The following SERPINA12 variants were observed in gnomAD, a reference collection of about 807,000 sequenced individuals.
The protein encoded by SERPINA12 is serpin family A member 12, also known as serpin A12.
In SERPINA12, 21 loss-of-function variants were observed where a neutral mutation model predicts 25.9. The ratio of observed to expected loss-of-function variants is 0.81; its 90% CI spans 0.58 to 1.17. The LOEUF is 1.17. SERPINA12 is among the 50% of genes most tolerant of loss of function. The pLI is 0.00. For missense variants in SERPINA12, 562 were observed against 508.3 expected (o/e 1.11, Z -1.02); for synonymous variants, 220 against 196.0 (o/e 1.12, Z -1.02).
chr14:94,489,912 C>A, intron 3 of SERPINA12, 145 bp from the exon 4 acceptor site: 1 of 797,490 alleles, frequency 1.3e-6, no homozygotes, highest in Non-Finnish European at 2.0e-6. Context: ...GGAGGGGCTC[C>A]TTAACCCTGG....
chr14:94,490,998 A>G (rs548453163), intron 3 of SERPINA12, among the ~76,000 whole-genome samples: 1 of 152,194 alleles, frequency 6.6e-6, no homozygotes, highest in East Asian at 1.9e-4. Flanking sequence ...CCATCCCCAT[A>G]CATGTCATTC....
At position 94,509,358 on chromosome 14, in the gene SERPINA12, C is replaced by G. The variant is rs1399715176; in HGVS notation, c.-50G>C. 2.0e-5 allele frequency among the ~76,000 whole-genome samples: 3 copies of G among 151,642 alleles called. No individual in the cohort carries two copies. The highest frequency in any genetic ancestry group is 3.9e-4 in the East Asian group (2 of 5,166). On this transcript the variant is annotated 5_prime_UTR_variant, in exon 1 of 5. Coordinates refer to ENST00000677451, the MANE Select transcript of SERPINA12 (RefSeq NM_001382267.1). ...TGGACTAACCTCACCTCCCCAGTTT[C>G]TCCTTTCCCCTCAGGTCAGTCTTCC...
At chr14:94,511,299 G>A, upstream of SERPINA12, 2 of 515,240 alleles carry the variant, frequency 3.9e-6, no homozygotes, top group Non-Finnish European at 5.0e-6. Flanking sequence ...AGTCTGTGAG[G>A]GACCATTGTC....
At chr14:94,506,184 G>T (rs373588139) in intron 1 of SERPINA12, among the ~76,000 whole-genome samples, 1 of 152,160 alleles carries the variant, frequency 6.6e-6, no homozygotes, top group African/African-American at 2.4e-5. Flanking sequence ...GGCACTGGTC[G>T]GAGGCTGAGG....
At chr14:94,497,095 T>C (rs993505494) in intron 2 of SERPINA12, among the ~76,000 whole-genome samples, 1 of 152,232 alleles carries the variant, frequency 6.6e-6, no homozygotes, top group Non-Finnish European at 1.5e-5. Flanking sequence ...TCTGGACTGA[T>C]GGGTGTTGGC....
chr14:94,509,279 AACACACAC>A (rs3065835), intron 1 of SERPINA12, among the ~76,000 whole-genome samples, 55 bp downstream of exon 1: 150 of 134,712 alleles, frequency 1.1e-3, no homozygotes, highest in African/African-American at 2.5e-3. Context: ...AGAAACAGAC[AACACACAC>A]ACACACACAC....
intron 3 of SERPINA12, among the ~76,000 whole-genome samples, chr14:94,495,045 G>A (rs776411527): frequency 4.0e-5 from 6 of 150,988 alleles, no homozygotes; most frequent in African/African-American, 1.2e-4. Context: ...GGAAGCATTC[G>A]GAATCAGAAT....
Position 94,496,586 on chromosome 14 carries a change from T to C in SERPINA12, c.692A>G (p.Glu231Gly), listed in dbSNP as rs1439374771. The C allele has an allele frequency of 6.2e-7, 1 of 1,613,998 alleles. No individual in the cohort carries two copies. Among genetic ancestry groups the C allele is most frequent in the Non-Finnish European group, 8.5e-7 (1 of 1,179,916 alleles). Residue 231 changes from glutamate (E) to glycine (G), a missense_variant, in exon 3 of 5, where the codon GAG becomes GGG. Transcript: ENST00000677451. ...NVTKEEDFFL[E>G]KNSSVKVPMM... The stretch of plus-strand genomic sequence containing the variant: ...GGGCACCTTGACTGAACTGTTTTTC[T>C]CCAGAAAGAAATCTTCCTCTTTAGT...
At chr14:94,511,111 G>A (rs1184987878), upstream of SERPINA12, among the ~76,000 whole-genome samples, 1 of 152,000 alleles carries the variant, frequency 6.6e-6, no homozygotes, top group African/African-American at 2.4e-5. Flanking sequence ...GAGCATTTCA[G>A]AAAAATATTT....
intron 3 of SERPINA12, among the ~76,000 whole-genome samples, chr14:94,494,326 A>G (rs1410242307): frequency 6.6e-6 from 1 of 152,214 alleles, no homozygotes; most frequent in African/African-American, 2.4e-5. Context: ...TTGAGACAAC[A>G]TGGGGGAACC....
upstream of SERPINA12, chr14:94,510,063 G>T (rs1286952474): frequency 5.1e-6 from 5 of 985,296 alleles, no homozygotes; most frequent in Non-Finnish European, 6.0e-6. Flanking sequence ...ACGTCTCAGG[G>T]CCTGGGCCTG....
chr14:94,509,903 C>T (rs2139865134), upstream of SERPINA12: 1 of 852,884 alleles, frequency 1.2e-6, no homozygotes, highest in East Asian at 1.2e-4. Context: ...TTCCCTGGGA[C>T]AGGACAGGAA....
chr14:94,517,527 G>A (rs764404700), exon 1 of SERPINA12: 1 of 152,318 alleles, frequency 6.6e-6, no homozygotes, highest in Middle Eastern at 3.4e-3. Context: ...GGATCTGGAC[G>A]CTTGACACCT....
In SERPINA12 at chr14:94,489,731, C is replaced by T. The variant is rs776327556; in HGVS notation, c.942G>A (p.Thr314=). Residue 314 remains threonine (T), a synonymous_variant, in exon 4 of 5, where the codon ACG becomes ACA. Transcript: ENST00000677451. ...GAGTCTTCTTCAGGTCGAAGGTGCC[C>T]GTCATGTGGAGTCTGGGTACAGACA... The part of the protein sequence containing the change: ...VDVSVPRLHM[T]GTFDLKKTLS... 28 of 1,614,088 alleles carry T rather than the reference C, an allele frequency of 1.7e-5. No individual in the cohort carries two copies. Among genetic ancestry groups the T allele is most frequent in the Middle Eastern group, 1.6e-4 (1 of 6,062 alleles).
chr14:94,508,822 T>C (rs1234487520), intron 1 of SERPINA12, among the ~76,000 whole-genome samples: 1 of 152,196 alleles, frequency 6.6e-6, no homozygotes, highest in Non-Finnish European at 1.5e-5. Flanking sequence ...TAAATATGCA[T>C]TGAAACATTG....
chr14:94,492,108 C>T (rs1017981781), intron 3 of SERPINA12, among the ~76,000 whole-genome samples: 2 of 151,972 alleles, frequency 1.3e-5, no homozygotes, highest in African/African-American at 2.4e-5. Flanking sequence ...TGAAGAGTGC[C>T]TTAAGGAGGT....
rs760719079 is a variant in SERPINA12, at chr14:94,493,782, C to CACTA, written c.905+2587_905+2590dup. ...ATTCCCAAACCTCCAGGAAGTCTGGCACTAGCCTACAGAAAATCTCAAAGG... is the reference window on the plus strand; with the variant it reads ...ATTCCCAAACCTCCAGGAAGTCTGGCACTAACTAGCCTACAGAAAATCTCAAAGG... On this transcript the variant is annotated intron_variant, in intron 3 of 4. Transcript: ENST00000677451. 1.4e-4 allele frequency among the ~76,000 whole-genome samples: 21 copies of CACTA among 152,356 alleles called. 1 individual carries two copies. The highest frequency in any genetic ancestry group is 3.4e-3 in the Middle Eastern group (1 of 294).
chr14:94,497,165 G>T (rs1398872886), intron 2 of SERPINA12, among the ~76,000 whole-genome samples: 1 of 152,170 alleles, frequency 6.6e-6, no homozygotes, highest in Non-Finnish European at 1.5e-5. Flanking sequence ...TGTGGTGTTG[G>T]GGGATAAAGT....
chr14:94,509,153 C>T (rs1369630075), intron 1 of SERPINA12, among the ~76,000 whole-genome samples, 189 bp downstream of exon 1: 1 of 152,080 alleles, frequency 6.6e-6, no homozygotes, highest in Non-Finnish European at 1.5e-5. Flanking sequence ...CAGCACAGAC[C>T]CATGGAACTC....
Sources: allele counts gnomAD v4.1 joint callset (sites outside exome capture counted in the v4.1 genomes callset), GRCh38; gene constraint gnomAD v4.1.1; transcripts MANE v1.5; gene names NCBI Gene and HGNC (gene_info 2026-07-23, HGNC 2026-07-21).